GPRIN3: variants seen among roughly 807,000 people sequenced by gnomAD.
The protein encoded by GPRIN3 is GPRIN family member 3.
Under a neutral mutation model 13.7 loss-of-function variants are expected in GPRIN3, and 12 were observed. The ratio of observed to expected loss-of-function variants is 0.87; its 90% confidence interval spans 0.56 to 1.42. GPRIN3 has a LOEUF of 1.42. Ranked by LOEUF, GPRIN3 falls within the 40% of genes most tolerant of loss-of-function variation. The pLI is 0.00. For missense variants in GPRIN3, 1,009 were observed against 958.7 expected (o/e 1.05, Z -0.69); for synonymous variants, 377 against 372.7 (o/e 1.01, Z -0.13).
chr4:89,294,830 G>A (rs1474742295), intron 1 of GPRIN3, among the ~76,000 whole-genome samples: 5 of 152,120 alleles, frequency 3.3e-5, no homozygotes, highest in African/African-American at 9.7e-5. Context: ...TCACATAAAC[G>A]TTTGTGACAA....
In GPRIN3 at chr4:89,247,422, T is replaced by C. The variant is rs1369759440; in HGVS notation, c.*358A>G. The C allele has an allele frequency of 1.1e-5, 2 of 179,520 alleles. No homozygotes were observed. Among genetic ancestry groups the C allele is most frequent in the Non-Finnish European group, 2.3e-5 (2 of 85,764 alleles). The allele number at this position is 179,520 out of a possible 1,614,324, so 11.1% of individuals were successfully genotyped here. Reference sequence around the variant, plus strand: ...GCAGGGATTTTAATGGAACTACTACTGTGTGATAAATTGAGGCAGTTATAC... The same window carrying C: ...GCAGGGATTTTAATGGAACTACTACCGTGTGATAAATTGAGGCAGTTATAC... On this transcript the variant is annotated 3_prime_UTR_variant, in exon 2 of 2. Transcript: ENST00000609438.
intron 1 of GPRIN3, among the ~76,000 whole-genome samples, chr4:89,297,802 C>T (rs1295268359): frequency 6.6e-6 from 1 of 152,082 alleles, no homozygotes; most frequent in Non-Finnish European, 1.5e-5. Flanking sequence ...GGTACATTCC[C>T]CAATAATGAT....
chr4:89,278,433 G>A (rs1170232193), intron 1 of GPRIN3, among the ~76,000 whole-genome samples: 1 of 151,908 alleles, frequency 6.6e-6, no homozygotes, highest in Non-Finnish European at 1.5e-5. Context: ...TTTCCAAATT[G>A]TCAAAAATAA....
chr4:89,300,951 T>G (rs1414414586), intron 1 of GPRIN3, among the ~76,000 whole-genome samples: 2 of 152,188 alleles, frequency 1.3e-5, no homozygotes, highest in Non-Finnish European at 2.9e-5. Flanking sequence ...TGCTTCATTT[T>G]TACCTGCATT....
At chr4:89,267,975 T>C (rs532257293) in intron 1 of GPRIN3, among the ~76,000 whole-genome samples, 1 of 152,308 alleles carries the variant, frequency 6.6e-6, no homozygotes, top group East Asian at 1.9e-4. Flanking sequence ...GATTGCGTGA[T>C]ATTTGTAAAA....
Position 89,248,192 on chromosome 4 carries a change from T to A in GPRIN3, c.1919A>T (p.Glu640Val), listed in dbSNP as rs1723168062. 1 of 1,614,198 alleles carries A rather than the reference T, an allele frequency of 6.2e-7. No individual in the cohort carries two copies. Among genetic ancestry groups the A allele is most frequent in the Admixed American group, 1.7e-5 (1 of 60,036 alleles). Residue 640 changes from glutamate to valine, a missense_variant, in exon 2 of 2, where the codon GAG (glutamate) becomes GTG (valine). Coordinates refer to ENST00000609438, the MANE Select transcript of GPRIN3 (RefSeq NM_198281.3). ...ATTTAACTTTTGCTCCTTGAGGAAC[T>A]CGCTGACGCGGCTGGGCCTGCGTGG... ...ASPRRPSRVS[E>V]FLKEQKLNVT...
intron 1 of GPRIN3, among the ~76,000 whole-genome samples, chr4:89,274,318 C>T (rs1395372226): frequency 6.6e-6 from 1 of 152,118 alleles, no homozygotes; most frequent in East Asian, 1.9e-4. Context: ...GCTATCCTTA[C>T]TAAGGTGTGG....
chr4:89,270,297 C>G (rs555487968), intron 1 of GPRIN3, among the ~76,000 whole-genome samples: 1 of 151,222 alleles, frequency 6.6e-6, no homozygotes, highest in East Asian at 2.0e-4. Flanking sequence ...CTAAGTAAGT[C>G]TCTCTGCAAT....
chr4:89,284,620 C>CTG (rs903882418), intron 1 of GPRIN3, among the ~76,000 whole-genome samples: 7 of 152,124 alleles, frequency 4.6e-5, no homozygotes, highest in African/African-American at 1.7e-4. Flanking sequence ...AGGAACTCAC[C>CTG]ACCAGGTCTA....
intron 1 of GPRIN3, among the ~76,000 whole-genome samples, chr4:89,304,465 G>A (rs1191134182): frequency 6.6e-6 from 1 of 151,864 alleles, no homozygotes; most frequent in East Asian, 1.9e-4. Flanking sequence ...TTACTCTTCT[G>A]TTTTAGTATT....
intron 1 of GPRIN3, among the ~76,000 whole-genome samples, chr4:89,269,343 T>C (rs1003350421): frequency 6.6e-6 from 1 of 152,096 alleles, no homozygotes; most frequent in Non-Finnish European, 1.5e-5. Context: ...ATTAAGGAGA[T>C]AGCAAATCAC....
intron 1 of GPRIN3, among the ~76,000 whole-genome samples, chr4:89,272,444 G>C (rs554597541): frequency 2.0e-5 from 3 of 152,134 alleles, no homozygotes; most frequent in Non-Finnish European, 2.9e-5. Flanking sequence ...TGGCAATCAC[G>C]ATTATCACTG....
At chr4:89,286,801 C>A (rs1724429280) in intron 1 of GPRIN3, among the ~76,000 whole-genome samples, 1 of 152,068 alleles carries the variant, frequency 6.6e-6, no homozygotes, top group East Asian at 1.9e-4. Context: ...GTAGTACTCC[C>A]AAAGTACTTA....
chr4:89,285,043 T>C (rs1028348101), intron 1 of GPRIN3, among the ~76,000 whole-genome samples: 1 of 152,150 alleles, frequency 6.6e-6, no homozygotes, highest in Non-Finnish European at 1.5e-5. Context: ...ACTGCTCCTG[T>C]GGCCCCACAG....
Position 89,250,010 on chromosome 4 carries a change from C to G in GPRIN3, c.101G>C (p.Arg34Pro), listed in dbSNP as rs773911311. 1.2e-6 allele frequency: 2 copies of G among 1,614,164 alleles called. No homozygotes were observed. Among genetic ancestry groups the G allele is most frequent in the Non-Finnish European group, 8.5e-7 (1 of 1,180,020 alleles). Residue 34 changes from arginine to proline, a missense_variant, in exon 2 of 2, where the codon CGG (arginine) becomes CCG (proline). By Grantham distance (103) the Arg-to-Pro change is moderately radical. Coordinates refer to ENST00000609438, the MANE Select transcript of GPRIN3 (RefSeq NM_198281.3). The stretch of plus-strand genomic sequence containing the variant: ...CTTACACAGGAGAGCTGGTCGATGC[C>G]GAGGTGAGGCAGCCTGTGGCTCTCC... Reference protein sequence around the residue: ...DLGEPQAASPRHRPALLCKNA... With the variant: ...DLGEPQAASPPHRPALLCKNA...
chr4:89,278,886 C>A (rs116260790), intron 1 of GPRIN3, among the ~76,000 whole-genome samples: 137 of 152,312 alleles, frequency 9.0e-4, no homozygotes, highest in Non-Finnish European at 1.6e-3. Flanking sequence ...CCTATGGAAG[C>A]AGGTTCAAAG....
chr4:89,287,322 A>C (rs1449566703), intron 1 of GPRIN3, among the ~76,000 whole-genome samples: 2 of 152,230 alleles, frequency 1.3e-5, no homozygotes, highest in African/African-American at 4.8e-5. Flanking sequence ...TTTGGCAGAG[A>C]TTTTAAAAAA....
intron 1 of GPRIN3, among the ~76,000 whole-genome samples, chr4:89,302,849 C>T (rs1724935405): frequency 6.6e-6 from 1 of 151,772 alleles, no homozygotes; most frequent in Non-Finnish European, 1.5e-5. Flanking sequence ...GAAAGAGGTC[C>T]AAGTCATTTT....
intron 1 of GPRIN3, among the ~76,000 whole-genome samples, chr4:89,266,111 A>T (rs1351559497): frequency 6.6e-6 from 1 of 152,246 alleles, no homozygotes; most frequent in Non-Finnish European, 1.5e-5. Flanking sequence ...CCAACTGATT[A>T]AGAACATCAC....
Sources: allele counts gnomAD v4.1 joint callset (sites outside exome capture counted in the v4.1 genomes callset), GRCh38; gene constraint gnomAD v4.1.1; transcripts MANE v1.5; gene names NCBI Gene and HGNC (gene_info 2026-07-23, HGNC 2026-07-21).